The following SNTA1 variants were observed in gnomAD, a reference collection of about 807,000 sequenced individuals.
The protein encoded by SNTA1 is alpha-1-syntrophin.
A neutral mutation model predicts 47.1 loss-of-function variants in SNTA1; 31 were observed. The observed-to-expected ratio is 0.66, with a 90% CI of 0.49 to 0.89. The LOEUF is 0.89. SNTA1 is among the 40% of genes least tolerant of loss of function. SNTA1 has a pLI of 0.00. For missense variants in SNTA1, 575 were observed against 693.0 expected (o/e 0.83, Z 1.91); for synonymous variants, 300 against 313.6 (o/e 0.96, Z 0.46).
At chr20:33,423,570 C>T (rs2146783030) in intron 2 of SNTA1, among the ~76,000 whole-genome samples, 1 of 152,274 alleles carries the variant, frequency 6.6e-6, no homozygotes, top group Middle Eastern at 3.4e-3. Flanking sequence ...AACAGAGGCC[C>T]CAATTTCCAG....
intron 1 of SNTA1, among the ~76,000 whole-genome samples, chr20:33,440,994 G>A (rs1990564133): frequency 6.6e-6 from 1 of 152,288 alleles, no homozygotes; most frequent in East Asian, 1.9e-4. Flanking sequence ...CTAAAAACCT[G>A]CCTGAATGGC....
intron 5 of SNTA1, among the ~76,000 whole-genome samples, chr20:33,411,746 T>C (rs77973615): frequency 6.6e-6 from 1 of 152,364 alleles, no homozygotes; most frequent in African/African-American, 2.4e-5. Context: ...CCTGCATGAA[T>C]TCTGGTTATC....
At chr20:33,428,395 T>A (rs533227144) in intron 2 of SNTA1, among the ~76,000 whole-genome samples, 2 of 151,462 alleles carry the variant, frequency 1.3e-5, no homozygotes, top group South Asian at 4.2e-4. Context: ...GGCAACAGAG[T>A]GAGACACTGT....
intron 3 of SNTA1, among the ~76,000 whole-genome samples, chr20:33,415,723 G>A (rs567386593): frequency 7.9e-5 from 12 of 151,804 alleles, no homozygotes; most frequent in Non-Finnish European, 1.5e-4. Flanking sequence ...CCTAGGAGGC[G>A]GAGGTTGCAG....
At chr20:33,440,507 C>T (rs1275821929) in intron 1 of SNTA1, among the ~76,000 whole-genome samples, 1 of 151,286 alleles carries the variant, frequency 6.6e-6, no homozygotes, top group Non-Finnish European at 1.5e-5. Context: ...TTAGCTGGGC[C>T]TGGTGGCACA....
chr20:33,438,297 C>T lies in SNTA1; in HGVS notation c.496+544G>A, dbSNP rs141664379. 8.6e-3 allele frequency among the ~76,000 whole-genome samples: 1,310 copies of T among 151,578 alleles called. 13 individuals are homozygous for T. Among genetic ancestry groups the T allele is most frequent in the African/African-American group, 0.029 (1,196 of 41,244 alleles). ...CCTGGACAACAGAGCAAGATTCCAT[C>T]TCAAAAAAAAAATAAAGTAAAATAA... On this transcript the variant is annotated intron_variant, in intron 2 of 7. Transcript: ENST00000217381.
chr20:33,414,455 G>T (rs961455644), intron 3 of SNTA1, among the ~76,000 whole-genome samples: 10 of 151,536 alleles, frequency 6.6e-5, no homozygotes, highest in African/African-American at 2.2e-4. Flanking sequence ...TTAGCCAGAC[G>T]TCATGGCGGG....
intron 2 of SNTA1, among the ~76,000 whole-genome samples, chr20:33,432,816 C>A (rs966517798): frequency 6.6e-6 from 1 of 152,172 alleles, no homozygotes; most frequent in Non-Finnish European, 1.5e-5. Flanking sequence ...GCTGCAATCA[C>A]ACCTCTGTGC....
Position 33,414,233 on chromosome 20 carries a change from C to T in SNTA1, c.702-1451G>A, listed in dbSNP as rs559876812. The stretch of plus-strand genomic sequence containing the variant: ...AGCCTGGGCAACAAAAGCGAAACTC[C>T]GTCTCAAAAACCAAAAAAAAAAAAA... On this transcript the variant is annotated intron_variant, in intron 3 of 7. Coordinates refer to ENST00000217381, the MANE Select transcript of SNTA1 (RefSeq NM_003098.3). 4.9e-4 allele frequency among the ~76,000 whole-genome samples: 47 copies of T among 96,084 alleles called. 1 individual carries two copies. Among genetic ancestry groups the T allele is most frequent in the Non-Finnish European group, 9.2e-4 (45 of 48,728 alleles). 63.0% of individuals were successfully genotyped at this position (96,084 alleles called of 152,430 possible).
At chr20:33,434,960 C>T (rs1250383437) in intron 2 of SNTA1, among the ~76,000 whole-genome samples, 2 of 147,042 alleles carry the variant, frequency 1.4e-5, no homozygotes, top group Non-Finnish European at 1.5e-5. Context: ...TATTGCAGAG[C>T]AGACAGGATT....
chr20:33,413,295 A>C (rs1989791923), intron 3 of SNTA1, among the ~76,000 whole-genome samples: 2 of 150,622 alleles, frequency 1.3e-5, no homozygotes, highest in Middle Eastern at 3.5e-3. Context: ...GCCTGGCCTT[A>C]TTTTTTTATT....
At chr20:33,417,952 A>T (rs1989919123) in intron 2 of SNTA1, 29 bp from the exon 3 acceptor site, 7 of 1,452,822 alleles carry the variant, frequency 4.8e-6, no homozygotes, top group Middle Eastern at 3.5e-4. Context: ...AGCAGTCACC[A>T]CTGTGACATG....
At chr20:33,440,140 T>TA (rs1990543521) in intron 1 of SNTA1, among the ~76,000 whole-genome samples, 1 of 149,658 alleles carries the variant, frequency 6.7e-6, no homozygotes, top group Non-Finnish European at 1.5e-5. Flanking sequence ...AGTAAATAAA[T>TA]ACATAATAAA....
intron 2 of SNTA1, among the ~76,000 whole-genome samples, chr20:33,432,895 C>G (rs1248069605): frequency 6.6e-6 from 1 of 152,100 alleles, no homozygotes; most frequent in African/African-American, 2.4e-5. Flanking sequence ...AGGGCTATAC[C>G]TTCCTTACTT....
rs932909554 is a variant in SNTA1, at chr20:33,417,920, T to C, written c.500A>G (p.Lys167Arg). The C allele has an allele frequency of 2.5e-6, 4 of 1,611,194 alleles. 1 individual carries two copies. In the Middle Eastern group the frequency reaches 5.0e-4, roughly 200 times the overall value. The part of the protein sequence containing the change: ...KTGKEVVLEV[K>R]YMKDVSPYFK... ...ATACGGTGAGACGTCCTTCATATAC[T>C]TGACTGATTGGGAGAGACATCAGCA... The change falls in exon 3 of 8, where the codon AAG becomes AGG. Residue 167 changes from lysine (K) to arginine (R), a missense_variant. Lys to Arg is a conservative substitution (Grantham distance 26). Coordinates refer to ENST00000217381, the MANE Select transcript of SNTA1 (RefSeq NM_003098.3).
At chr20:33,419,563 C>T (rs1989969344) in intron 2 of SNTA1, among the ~76,000 whole-genome samples, 1 of 152,136 alleles carries the variant, frequency 6.6e-6, no homozygotes, top group South Asian at 2.1e-4. Context: ...GACTTATCAT[C>T]ACTGTAGCAA....
intron 2 of SNTA1, among the ~76,000 whole-genome samples, chr20:33,422,226 G>A (rs1488122780): frequency 6.6e-6 from 1 of 151,850 alleles, no homozygotes; most frequent in African/African-American, 2.4e-5. Context: ...GGATCACGAG[G>A]TCAGGAGATC....
chr20:33,440,144 T>A (rs781391466), intron 1 of SNTA1, among the ~76,000 whole-genome samples: 53 of 149,290 alleles, frequency 3.6e-4, no homozygotes, highest in Non-Finnish European at 7.0e-4. Context: ...AATAAATACA[T>A]AATAAAAAAA....
chr20:33,432,737 C>T (rs906253806), intron 2 of SNTA1, among the ~76,000 whole-genome samples: 11 of 151,992 alleles, frequency 7.2e-5, no homozygotes, highest in African/African-American at 2.7e-4. Flanking sequence ...TAGCACATGC[C>T]GTCGTCCCAG....
Sources: allele counts gnomAD v4.1 joint callset (sites outside exome capture counted in the v4.1 genomes callset), GRCh38; gene constraint gnomAD v4.1.1; transcripts MANE v1.5; gene names NCBI Gene and HGNC (gene_info 2026-07-23, HGNC 2026-07-21).